The following MARCHF3 variants were observed in gnomAD, a reference collection of about 807,000 sequenced individuals.
The protein encoded by MARCHF3 is membrane associated ring-CH-type finger 3, also known as E3 ubiquitin-protein ligase MARCHF3.
In MARCHF3, 13 loss-of-function variants were observed where a neutral mutation model predicts 24.2. That is an observed-to-expected ratio of 0.54 (90% confidence interval 0.35 to 0.85). The LOEUF is 0.85. Among genes scored for constraint, MARCHF3 ranks in the 40% least tolerant of loss-of-function variants. The pLI is 0.01. For synonymous variants in MARCHF3, 144 were observed against 137.3 expected, an observed-to-expected ratio of 1.05 and a Z score of -0.34; for missense variants, 276 against 325.0, an observed-to-expected ratio of 0.85 and a Z score of 1.16.
At chr5:126,938,727 T>C (rs1331237935) in intron 1 of MARCHF3, among the ~76,000 whole-genome samples, 1 of 152,174 alleles carries the variant, frequency 6.6e-6, no homozygotes, top group Non-Finnish European at 1.5e-5. Flanking sequence ...CCCCATAGCA[T>C]TTGTAGGCAG....
At chr5:126,981,562 A>G (rs1751395277) in intron 1 of MARCHF3, among the ~76,000 whole-genome samples, 1 of 152,258 alleles carries the variant, frequency 6.6e-6, no homozygotes, top group African/African-American at 2.4e-5. Context: ...AAATGGTTGT[A>G]GGATATTAAT....
chr5:127,000,390 T>G (rs1329055684), intron 1 of MARCHF3, among the ~76,000 whole-genome samples: 1 of 152,218 alleles, frequency 6.6e-6, no homozygotes, highest in Non-Finnish European at 1.5e-5. Flanking sequence ...GCTAAGTTAT[T>G]CGGTCACTGA....
intron 3 of MARCHF3, 187 bp downstream of exon 3, chr5:126,914,743 G>GTCTGTCTACATCTCTCTTTCTC: frequency 1.7e-6 from 1 of 596,146 alleles, no homozygotes; most frequent in South Asian, 2.0e-5. Flanking sequence ...CTCTGTGTCT[G>GTCTGTCTACATCTCTCTTTCTC]TCTGTCTACA....
intron 1 of MARCHF3, among the ~76,000 whole-genome samples, chr5:126,934,996 C>A (rs929231293): frequency 3.9e-5 from 6 of 152,154 alleles, no homozygotes; most frequent in Non-Finnish European, 8.8e-5. Context: ...GGAATGGTAT[C>A]ATTACTTCCA....
chr5:126,924,431 C>G (rs924055677), intron 1 of MARCHF3, among the ~76,000 whole-genome samples: 3 of 152,210 alleles, frequency 2.0e-5, no homozygotes, highest in African/African-American at 7.2e-5. Flanking sequence ...CAATAATGGT[C>G]TGTCCAGGAA....
chr5:126,920,065 G>A (rs938263926), intron 1 of MARCHF3, among the ~76,000 whole-genome samples: 2 of 152,166 alleles, frequency 1.3e-5, no homozygotes, highest in African/African-American at 4.8e-5. Context: ...AAAGCAATTA[G>A]TATACGGTAT....
Position 126,896,548 on chromosome 5 carries a change from CA to C in MARCHF3, c.394-18155del, listed in dbSNP as rs1357144669. 2.0e-5 allele frequency among the ~76,000 whole-genome samples: 3 copies of C among 152,044 alleles called. No individual in the cohort carries two copies. The East Asian group carries it at 5.8e-4, about 29-fold the overall frequency. ...CCCCTAGGTGTCCCTGTGGCAGAAC[CA>C]AGCCAACCATTAAAGAACCCAAGTT... On this transcript the variant is annotated intron_variant, in intron 3 of 4. Transcript: ENST00000308660.
chr5:126,880,090 G>A (rs561426601), intron 3 of MARCHF3, among the ~76,000 whole-genome samples: 1 of 152,286 alleles, frequency 6.6e-6, no homozygotes, highest in African/African-American at 2.4e-5. Context: ...AGCATGGAAC[G>A]ACAAAATAGA....
chr5:126,939,342 G>C (rs189425625), intron 1 of MARCHF3, among the ~76,000 whole-genome samples: 1 of 152,156 alleles, frequency 6.6e-6, no homozygotes, highest in Admixed American at 6.5e-5. Context: ...GTTGTTTGGC[G>C]AGGGTTGACA....
intron 1 of MARCHF3, among the ~76,000 whole-genome samples, chr5:127,021,124 CT>C (rs1004203883): frequency 6.6e-6 from 1 of 150,860 alleles, no homozygotes; most frequent in Non-Finnish European, 1.5e-5. Context: ...CTGACACTGG[CT>C]TTTTTTTTCA....
chr5:126,875,759 G>A (rs866722247), intron 4 of MARCHF3, among the ~76,000 whole-genome samples: 1 of 152,164 alleles, frequency 6.6e-6, no homozygotes, highest in Non-Finnish European at 1.5e-5. Flanking sequence ...GGGGGAGCAG[G>A]GAAGCCGCAG....
chr5:126,918,345 G>A, intron 1 of MARCHF3, 118 bp from the exon 2 acceptor site: 1 of 647,200 alleles, frequency 1.5e-6, no homozygotes, highest in South Asian at 2.0e-5. Flanking sequence ...GGGTAGCCTA[G>A]ATGTGGCACA....
At chr5:126,927,331 A>G (rs1005167847) in intron 1 of MARCHF3, among the ~76,000 whole-genome samples, 1 of 152,098 alleles carries the variant, frequency 6.6e-6, no homozygotes, top group African/African-American at 2.4e-5. Context: ...ATGGATGGAG[A>G]ATAGGGTCTC....
In MARCHF3 at chr5:126,905,252, G is replaced by T. The variant is rs1210428885; in HGVS notation, c.393+9678C>A. Among the ~76,000 whole-genome samples, 58 of 123,660 alleles carry T rather than the reference G, an allele frequency of 4.7e-4. No individual in the cohort carries two copies. The East Asian group carries it at 0.013, about 27-fold the overall frequency. 81.1% of individuals were successfully genotyped at this position (123,660 alleles called of 152,430 possible). ...ATAGTTTGAAGTCAGGTAGTGTGATGCCTCCAGCTTTGTTCTTTTGGCTTA... is the reference window on the plus strand; with the variant it reads ...ATAGTTTGAAGTCAGGTAGTGTGATTCCTCCAGCTTTGTTCTTTTGGCTTA... On this transcript the variant is annotated intron_variant, in intron 3 of 4. Transcript: ENST00000308660.
chr5:126,903,485 A>T (rs1456297358), intron 3 of MARCHF3, among the ~76,000 whole-genome samples: 2 of 152,032 alleles, frequency 1.3e-5, no homozygotes, highest in Non-Finnish European at 2.9e-5. Flanking sequence ...CATGCCTATA[A>T]ATCTTCTTGA....
intron 1 of MARCHF3, among the ~76,000 whole-genome samples, chr5:126,927,930 C>A (rs1749349251): frequency 6.6e-6 from 1 of 152,092 alleles, no homozygotes; most frequent in Non-Finnish European, 1.5e-5. Context: ...GGCAAAATAA[C>A]TAAATAATAT....
At chr5:126,887,940 T>C (rs890136239) in intron 3 of MARCHF3, among the ~76,000 whole-genome samples, 35 of 152,220 alleles carry the variant, frequency 2.3e-4, no homozygotes, top group African/African-American at 8.0e-4. Context: ...CAATCTTGTT[T>C]ATTTATTTAC....
chr5:126,974,112 T>C (rs1751113600), intron 1 of MARCHF3, among the ~76,000 whole-genome samples: 1 of 150,818 alleles, frequency 6.6e-6, no homozygotes, highest in South Asian at 2.1e-4. Flanking sequence ...GTTAGCCAGA[T>C]GGTCTCGATC....
chr5:126,882,992 C>T (rs1296181739), intron 3 of MARCHF3, among the ~76,000 whole-genome samples: 1 of 152,120 alleles, frequency 6.6e-6, no homozygotes, highest in African/African-American at 2.4e-5. Flanking sequence ...CTTAGTAAAG[C>T]ATGGGGTCAG....
Sources: gnomAD v4.1 joint callset for allele counts (sites outside exome capture counted in the v4.1 genomes callset) on GRCh38, gnomAD v4.1.1 for gene constraint, MANE v1.5 for transcripts, NCBI Gene and HGNC (gene_info 2026-07-23, HGNC 2026-07-21) for gene names.